Variants in ADGRL3 observed in about 807,000 individuals in gnomAD.
ADGRL3 encodes calcium-independent alpha-latrotoxin receptor 3.
ADGRL3 carries 62 observed loss-of-function variants against 153.5 expected under a neutral mutation model. The ratio of observed to expected loss-of-function variants is 0.40; its 90% confidence interval spans 0.33 to 0.50. The LOEUF is 0.50. ADGRL3 is among the 20% of genes least tolerant of loss of function. The pLI, the probability that ADGRL3 is intolerant of heterozygous loss-of-function variation, is 0.47. For missense variants in ADGRL3, 1,641 were observed against 1,859.4 expected (o/e 0.88, Z 2.16); for synonymous variants, 710 against 672.5 (o/e 1.06, Z -0.86).
chr4:61,817,368 A>T (rs111769059), intron 9 of ADGRL3, among the ~76,000 whole-genome samples: 52 of 152,078 alleles, frequency 3.4e-4, no homozygotes, highest in African/African-American at 1.3e-3. Context: ...AAGCCCTCCC[A>T]TGGCTGCCCA....
chr4:61,288,006 C>G (rs1413087584), intron 1 of ADGRL3, among the ~76,000 whole-genome samples: 1 of 151,798 alleles, frequency 6.6e-6, no homozygotes, highest in Non-Finnish European at 1.5e-5. Context: ...TCTTTTTATT[C>G]ATAATACTAC....
At chr4:61,687,754 G>A (rs745692523) in intron 6 of ADGRL3, among the ~76,000 whole-genome samples, 1 of 151,900 alleles carries the variant, frequency 6.6e-6, no homozygotes, top group Admixed American at 6.6e-5. Flanking sequence ...ATACATGTTA[G>A]ATTAATGGGA....
intron 5 of ADGRL3, among the ~76,000 whole-genome samples, chr4:61,596,811 T>C (rs1560906934): frequency 6.6e-6 from 1 of 152,130 alleles, no homozygotes; most frequent in South Asian, 2.1e-4. Context: ...GAAGCTGTGA[T>C]TGCCTTACTG....
intron 1 of ADGRL3, among the ~76,000 whole-genome samples, chr4:61,219,042 G>A (rs995553799): frequency 3.8e-4 from 58 of 152,310 alleles, no homozygotes; most frequent in Non-Finnish European, 1.5e-4. Flanking sequence ...TTACATGAGA[G>A]TCTAAGCCAC....
At chr4:61,533,659 G>A (rs2098637309) in intron 4 of ADGRL3, among the ~76,000 whole-genome samples, 1 of 151,988 alleles carries the variant, frequency 6.6e-6, no homozygotes, top group African/African-American at 2.4e-5. Context: ...AAATGGTTAG[G>A]TTGTCTATTT....
chr4:61,968,648 T>C (rs1225969006), intron 17 of ADGRL3, among the ~76,000 whole-genome samples: 1 of 152,154 alleles, frequency 6.6e-6, no homozygotes, highest in Non-Finnish European at 1.5e-5. Context: ...CTTCTGCACA[T>C]TCTGGGGAAA....
chr4:61,316,164 G>C (rs1234788827), intron 1 of ADGRL3, among the ~76,000 whole-genome samples: 1 of 152,142 alleles, frequency 6.6e-6, no homozygotes, highest in Non-Finnish European at 1.5e-5. Context: ...GGCTCAGGTA[G>C]GCTCTGTTAA....
chr4:61,688,740 T>A (rs2095490103), intron 6 of ADGRL3, among the ~76,000 whole-genome samples: 1 of 152,142 alleles, frequency 6.6e-6, no homozygotes, highest in Non-Finnish European at 1.5e-5. Flanking sequence ...CTCCCTTGAC[T>A]ATTTGTATAA....
chr4:61,216,603 C>G lies in ADGRL3; in HGVS notation c.-240+14838C>G, dbSNP rs142419848. On this transcript the variant is annotated intron_variant, in intron 1 of 26. Transcript: ENST00000683033. Reference sequence around the variant, plus strand: ...GTTCAACATTAAATTGTATTTAGTTCTACATTAATGAAATGATCTTTACTG... The same window carrying G: ...GTTCAACATTAAATTGTATTTAGTTGTACATTAATGAAATGATCTTTACTG... Among the ~76,000 whole-genome samples the G allele has an allele frequency of 1.1e-3, 170 of 151,550 alleles. 1 individual carries two copies. Among genetic ancestry groups the G allele is most frequent in the African/African-American group, 4.1e-3 (168 of 41,268 alleles).
chr4:62,035,270 A>G (rs928697079), intron 23 of ADGRL3, among the ~76,000 whole-genome samples: 1 of 152,020 alleles, frequency 6.6e-6, no homozygotes, highest in African/African-American at 2.4e-5. Flanking sequence ...CAGAACATTT[A>G]ATCTTTGTTG....
intron 9 of ADGRL3, among the ~76,000 whole-genome samples, chr4:61,826,542 G>A (rs1183014441): frequency 2.0e-5 from 3 of 152,198 alleles, no homozygotes; most frequent in Non-Finnish European, 4.4e-5. Flanking sequence ...GGCAGAGGAT[G>A]TAGGTGGGAC....
At chr4:61,305,966 G>C (rs1281059474) in intron 1 of ADGRL3, among the ~76,000 whole-genome samples, 1 of 152,108 alleles carries the variant, frequency 6.6e-6, no homozygotes, top group Admixed American at 6.5e-5. Flanking sequence ...GCACTGGTGG[G>C]GGTGTCATTT....
intron 2 of ADGRL3, among the ~76,000 whole-genome samples, chr4:61,403,555 C>T (rs2096956464): frequency 6.6e-6 from 1 of 152,088 alleles, no homozygotes; most frequent in Admixed American, 6.6e-5. Flanking sequence ...GCATCTCTTT[C>T]ACCTGGTTGT....
chr4:61,478,767 A>G (rs756565893), intron 2 of ADGRL3, among the ~76,000 whole-genome samples: 7 of 152,090 alleles, frequency 4.6e-5, no homozygotes, highest in Admixed American at 1.3e-4. Flanking sequence ...ATTGATTTAT[A>G]ATAATGCATG....
chr4:61,626,873 G>C (rs1406205943), intron 5 of ADGRL3, among the ~76,000 whole-genome samples: 1 of 152,036 alleles, frequency 6.6e-6, no homozygotes, highest in Non-Finnish European at 1.5e-5. Flanking sequence ...CAGTGTATCT[G>C]ACTTAGAGGT....
intron 9 of ADGRL3, among the ~76,000 whole-genome samples, chr4:61,852,731 C>T (rs1021265401): frequency 1.3e-5 from 2 of 152,212 alleles, no homozygotes; most frequent in Middle Eastern, 3.4e-3. Context: ...ATGAAAAAGT[C>T]TTTATGAGTT....
At chr4:61,260,971 C>A (rs2092462487) in intron 1 of ADGRL3, among the ~76,000 whole-genome samples, 2 of 152,070 alleles carry the variant, frequency 1.3e-5, no homozygotes, top group Admixed American at 6.5e-5. Flanking sequence ...AGAGATCCTC[C>A]CCTCTTGGCA....
chr4:61,417,536 A>C (rs754995612), intron 2 of ADGRL3, among the ~76,000 whole-genome samples: 5 of 151,838 alleles, frequency 3.3e-5, no homozygotes, highest in Non-Finnish European at 7.4e-5. Flanking sequence ...AAAATCGAAG[A>C]GGTCCTTCGC....
At chr4:61,590,501 T>G (rs2098965074) in intron 5 of ADGRL3, among the ~76,000 whole-genome samples, 1 of 152,128 alleles carries the variant, frequency 6.6e-6, no homozygotes, top group Non-Finnish European at 1.5e-5. Flanking sequence ...TTCTTAACTA[T>G]TAATTGAAAT....
Sources: gnomAD v4.1 joint callset for allele counts (sites outside exome capture counted in the v4.1 genomes callset) on GRCh38, gnomAD v4.1.1 for gene constraint, MANE v1.5 for transcripts, NCBI Gene and HGNC (gene_info 2026-07-23, HGNC 2026-07-21) for gene names.